AKAP9: variants seen among roughly 807,000 people sequenced by gnomAD.
The protein encoded by AKAP9 is A-kinase anchoring protein 9, also known as A-kinase anchor protein 9.
In AKAP9, 311 loss-of-function variants were observed where a neutral mutation model predicts 488.5. The observed-to-expected ratio is 0.64, with a 90% CI of 0.58 to 0.70. The LOEUF (loss-of-function observed/expected upper bound fraction) is 0.70, where lower values mean the gene tolerates loss of function less well. AKAP9 is among the 30% of genes least tolerant of loss of function. AKAP9 has a pLI of 0.00. For missense variants in AKAP9, 4,215 were observed against 4,374.5 expected (o/e 0.96, Z 1.03); for synonymous variants, 1,462 against 1,483.5 (o/e 0.99, Z 0.33).
intron 21 of AKAP9, among the ~76,000 whole-genome samples, chr7:92,052,128 G>A (rs1438576840): frequency 6.6e-6 from 1 of 152,182 alleles, no homozygotes; most frequent in East Asian, 1.9e-4. Context: ...TCCTTTTACT[G>A]TGTAGCCAAA....
intron 22 of AKAP9, among the ~76,000 whole-genome samples, chr7:92,059,126 A>T (rs1475698074): frequency 6.6e-6 from 1 of 151,958 alleles, no homozygotes; most frequent in African/African-American, 2.4e-5. Context: ...TGGTTTTCAG[A>T]ATAGTTTTGT....
intron 24 of AKAP9, among the ~76,000 whole-genome samples, chr7:92,064,470 TA>T (rs879437818): frequency 1.3e-4 from 20 of 152,202 alleles, no homozygotes; most frequent in Non-Finnish European, 2.8e-4. Flanking sequence ...TTAACTCATT[TA>T]ATGCCAAAAT....
At position 92,096,857 on chromosome 7, in the gene AKAP9, G is replaced by A. The variant is rs777805745; in HGVS notation, c.9898G>A (p.Val3300Ile). 6.2e-7 allele frequency: 1 copy of A among 1,614,134 alleles called. No individual in the cohort carries two copies. Among genetic ancestry groups the A allele is most frequent in the Non-Finnish European group, 8.5e-7 (1 of 1,180,028 alleles). ...EEQGRNLELQ[V>I]LLESEKVRIR... is the part of the protein sequence containing the mutation. ...ACAAGGTCGAAACTTAGAGCTTCAG[G>A]TACTTCTTGAATCTGAGAAAGTTCG... The change falls in exon 41 of 50, where the codon GTA becomes ATA. Residue 3300 changes from valine to isoleucine, a missense_variant. Physicochemically the swap from Val to Ile is conservative, Grantham distance 29. Around this residue, in one of 5 missense-constraint regions of AKAP9, gnomAD observed 1,476 missense variants for 1,477.4 expected, o/e 1.00. Coordinates refer to ENST00000356239, the MANE Select transcript of AKAP9 (RefSeq NM_005751.5).
intron 8 of AKAP9, among the ~76,000 whole-genome samples, chr7:92,003,742 T>G (rs528367766): frequency 2.2e-4 from 33 of 152,130 alleles, no homozygotes; most frequent in African/African-American, 7.5e-4. Flanking sequence ...GTCCTAGAGT[T>G]TTTTCAGAGT....
chr7:92,107,342 A>C lies in AKAP9; in HGVS notation c.11466A>C (p.Leu3822Phe). The change falls in exon 48 of 50, where the codon TTA becomes TTC. Residue 3822 changes from leucine (L) to phenylalanine (F), a missense_variant. Physicochemically the swap from Leu to Phe is conservative, Grantham distance 22 (BLOSUM62 0). Transcript: ENST00000356239. The part of the protein sequence containing the change: ...SFYHSSGGLE[L>F]YGEPRHTTYR... ...ATCATTCTTCTGGTGGGCTGGAGTT[A>C]TATGGAGAACCAAGACATACTACGT... is the stretch of plus-strand genomic sequence containing the variant. 1.9e-6 allele frequency: 3 copies of C among 1,613,948 alleles called. No homozygotes were observed. Among genetic ancestry groups the C allele is most frequent in the Non-Finnish European group, 2.5e-6 (3 of 1,179,878 alleles).
intron 3 of AKAP9, among the ~76,000 whole-genome samples, chr7:91,982,610 G>T (rs567469791): frequency 3.6e-4 from 55 of 152,116 alleles, no homozygotes; most frequent in Non-Finnish European, 7.1e-4. Flanking sequence ...ATTTGGGTTG[G>T]TTCCAAGTCT....
At chr7:92,018,827 C>G (rs1024312550) in intron 12 of AKAP9, among the ~76,000 whole-genome samples, 1 of 152,106 alleles carries the variant, frequency 6.6e-6, no homozygotes, top group Non-Finnish European at 1.5e-5. Flanking sequence ...TAGGTCAGTC[C>G]TTCTGAGCTG....
At chr7:92,089,662 A>T (rs147752340) in intron 38 of AKAP9, 133 bp downstream of exon 38, 6 of 1,004,216 alleles carry the variant, frequency 6.0e-6, no homozygotes, top group Middle Eastern at 6.2e-4. Context: ...AATGTTAAGG[A>T]TACAATCTAT....
chr7:91,981,691 C>T (rs548810256), intron 3 of AKAP9, among the ~76,000 whole-genome samples: 100 of 150,136 alleles, frequency 6.7e-4, no homozygotes, highest in African/African-American at 2.4e-3. Flanking sequence ...CTCACTGAAA[C>T]CTCTGCCTCC....
intron 1 of AKAP9, among the ~76,000 whole-genome samples, chr7:91,951,725 C>A (rs548065417): frequency 3.3e-5 from 5 of 152,212 alleles, no homozygotes; most frequent in Admixed American, 3.3e-4. Flanking sequence ...TTGAAAGATC[C>A]TTTGAATTAT....
intron 6 of AKAP9, 76 bp downstream of exon 6, chr7:91,994,852 C>A: frequency 2.1e-6 from 3 of 1,411,116 alleles, no homozygotes; most frequent in Non-Finnish European, 2.9e-6. Flanking sequence ...AAGAACAAAT[C>A]TAAATTTGTT....
chr7:92,006,620 G>A (rs749321954), intron 8 of AKAP9, among the ~76,000 whole-genome samples: 7 of 152,108 alleles, frequency 4.6e-5, no homozygotes, highest in Non-Finnish European at 7.4e-5. Context: ...AGAAGAAATC[G>A]AGCAGTGACT....
chr7:92,016,500 G>C (rs1730782081), intron 11 of AKAP9, among the ~76,000 whole-genome samples: 3 of 151,932 alleles, frequency 2.0e-5, no homozygotes, highest in Admixed American at 6.6e-5. Flanking sequence ...TCTGTCCTCT[G>C]TCTCTCTACT....
rs1449568966 is a variant in AKAP9, at chr7:92,022,907, C to T, written c.4046C>T (p.Ser1349Phe). The T allele has an allele frequency of 7.4e-6, 12 of 1,613,520 alleles. No homozygotes were observed. Among genetic ancestry groups the T allele is most frequent in the African/African-American group, 1.3e-5 (1 of 74,922 alleles). Residue 1349 changes from serine to phenylalanine, a missense_variant, in exon 14 of 50, where the codon TCT (serine) becomes TTT (phenylalanine). Coordinates refer to ENST00000356239, the MANE Select transcript of AKAP9 (RefSeq NM_005751.5). ...QVQELESLIS[S>F]LQQQLKETEQ... is the part of the protein sequence containing the mutation. ...CAAGAATTAGAAAGCCTCATATCCT[C>T]TTTGCAGCAACAGTTGAAAGAAACT...
intron 21 of AKAP9, among the ~76,000 whole-genome samples, chr7:92,049,858 G>A (rs1187542164): frequency 6.6e-6 from 1 of 151,980 alleles, no homozygotes. Flanking sequence ...AAAGCCAGAG[G>A]CCTTTTATAA....
At chr7:92,086,108 A>T in intron 36 of AKAP9, 120 bp from the exon 37 acceptor site, 1 of 855,766 alleles carries the variant, frequency 1.2e-6, no homozygotes, top group Non-Finnish European at 1.8e-6. Context: ...AAATAAATAA[A>T]TAAAAGAAGT....
intron 31 of AKAP9, among the ~76,000 whole-genome samples, chr7:92,082,273 G>T (rs752086841): frequency 6.6e-6 from 1 of 152,146 alleles, no homozygotes; most frequent in Non-Finnish European, 1.5e-5. Context: ...GGATGTATAT[G>T]AATAACATTA....
intron 40 of AKAP9, among the ~76,000 whole-genome samples, chr7:92,096,439 A>G (rs994058741): frequency 1.9e-4 from 29 of 151,724 alleles, no homozygotes; most frequent in Non-Finnish European, 4.0e-4. Context: ...GGTTCAAGCA[A>G]TTCGCCTGCC....
intron 27 of AKAP9, 95 bp from the exon 28 acceptor site, chr7:92,070,806 CAAAA>C (rs34613656): frequency 1.9e-3 from 879 of 458,044 alleles, no homozygotes; most frequent in East Asian, 2.4e-3. Context: ...TGCTGCTTCT[CAAAA>C]AAAAAAAAAA....
Sources: allele counts gnomAD v4.1 joint callset (sites outside exome capture counted in the v4.1 genomes callset), GRCh38; gene constraint gnomAD v4.1.1; regional missense constraint gnomAD v4.1.1; transcripts MANE v1.5; gene names NCBI Gene and HGNC (gene_info 2026-07-23, HGNC 2026-07-21).